TOM1L2: variants seen among roughly 807,000 people sequenced by gnomAD.
The protein encoded by TOM1L2 is TOM1-like protein 2.
In TOM1L2, 31 loss-of-function variants were observed where a neutral mutation model predicts 67.9. The observed-to-expected ratio is 0.46, with a 90% CI of 0.34 to 0.62. TOM1L2 has a LOEUF of 0.62. Ranked by LOEUF, TOM1L2 falls within the 20% of genes least tolerant of loss-of-function variation. The pLI is 0.01. For synonymous variants in TOM1L2, 256 were observed against 254.0 expected, an observed-to-expected ratio of 1.01 and a Z score of -0.07; for missense variants, 606 against 663.5, an observed-to-expected ratio of 0.91 and a Z score of 0.95.
At chr17:17,923,609 G>C (rs1178091877) in intron 1 of TOM1L2, among the ~76,000 whole-genome samples, 1 of 152,098 alleles carries the variant, frequency 6.6e-6, no homozygotes, top group Non-Finnish European at 1.5e-5. Flanking sequence ...AGGATCACTT[G>C]AGGCTAGGAG....
rs374192888 is a variant in TOM1L2, at chr17:17,891,784, C to CGTGTGTGTGT, written c.366+1867_366+1876dup. Among the ~76,000 whole-genome samples, 1,052 of 143,204 alleles carry CGTGTGTGTGT rather than the reference C, an allele frequency of 7.3e-3. 17 individuals carry two copies. Among genetic ancestry groups the CGTGTGTGTGT allele is most frequent in the African/African-American group, 0.023 (881 of 38,378 alleles). The allele number at this position is 143,204 out of a possible 152,430, so 93.9% of individuals were successfully genotyped here. A position where few individuals can be genotyped will look rare whatever the true frequency, so the allele number is the denominator to read the frequency against. The stretch of plus-strand genomic sequence containing the variant: ...ATGAGGAAGGTAAAGTGCATGCACA[C>CGTGTGTGTGT]GTGTGTGTGTGTGTGTGTGTGTGTG... On this transcript the variant is annotated intron_variant, in intron 4 of 14. Coordinates refer to ENST00000379504, the MANE Select transcript of TOM1L2 (RefSeq NM_001082968.2).
At chr17:17,872,723 G>A (rs968962691) in intron 7 of TOM1L2, among the ~76,000 whole-genome samples, 5 of 152,218 alleles carry the variant, frequency 3.3e-5, no homozygotes, top group Middle Eastern at 3.2e-3. Flanking sequence ...AGGTGTCTGC[G>A]GAAAATCTCT....
intron 1 of TOM1L2, among the ~76,000 whole-genome samples, chr17:17,919,265 T>C (rs913412024): frequency 6.6e-6 from 1 of 152,222 alleles, no homozygotes; most frequent in African/African-American, 2.4e-5. Flanking sequence ...AGAGGACCTT[T>C]CCTTGCTGTT....
At chr17:17,894,694 G>A (rs1046097462) in intron 3 of TOM1L2, among the ~76,000 whole-genome samples, 7 of 152,212 alleles carry the variant, frequency 4.6e-5, no homozygotes, top group Non-Finnish European at 7.3e-5. Flanking sequence ...ACTTTGGGAG[G>A]CCGAGGCAGG....
chr17:17,898,213 C>T (rs905500626), intron 3 of TOM1L2, among the ~76,000 whole-genome samples: 5 of 151,972 alleles, frequency 3.3e-5, no homozygotes, highest in African/African-American at 1.2e-4. Flanking sequence ...TGTGAGTCAC[C>T]GCGCCTGGCC....
chr17:17,880,933 C>T (rs1029321113), intron 6 of TOM1L2, among the ~76,000 whole-genome samples: 3 of 152,180 alleles, frequency 2.0e-5, no homozygotes, highest in African/African-American at 7.2e-5. Flanking sequence ...CTCTCCCCAC[C>T]CCATCCTGAG....
At chr17:17,912,705 G>T (rs911971880) in intron 1 of TOM1L2, among the ~76,000 whole-genome samples, 1 of 151,638 alleles carries the variant, frequency 6.6e-6, no homozygotes, top group Non-Finnish European at 1.5e-5. Flanking sequence ...TCCCAGACTG[G>T]GCAGCCAGGC....
chr17:17,900,414 C>G (rs1173310332), intron 2 of TOM1L2, among the ~76,000 whole-genome samples: 2 of 150,280 alleles, frequency 1.3e-5, no homozygotes, highest in Non-Finnish European at 2.9e-5. Context: ...CCCAGGTACT[C>G]TGGAGGCTGA....
chr17:17,944,733 C>T (rs2040872229), intron 1 of TOM1L2, among the ~76,000 whole-genome samples: 1 of 152,174 alleles, frequency 6.6e-6, no homozygotes, highest in Non-Finnish European at 1.5e-5. Flanking sequence ...ACAAACATGC[C>T]GACTAACAGG....
intron 1 of TOM1L2, among the ~76,000 whole-genome samples, chr17:17,942,812 GC>G (rs2040789768): frequency 6.6e-6 from 1 of 152,140 alleles, no homozygotes; most frequent in East Asian, 1.9e-4. Context: ...TCCAGGAAAG[GC>G]TTTTGCCAGC....
chr17:17,925,919 C>T (rs1397184486), intron 1 of TOM1L2, among the ~76,000 whole-genome samples: 1 of 151,372 alleles, frequency 6.6e-6, no homozygotes, highest in Non-Finnish European at 1.5e-5. Context: ...GCCCATAATC[C>T]CAGCACTTTG....
chr17:17,938,766 G>GTTT (rs372811565), intron 1 of TOM1L2, among the ~76,000 whole-genome samples: 11 of 145,002 alleles, frequency 7.6e-5, no homozygotes, highest in African/African-American at 1.0e-4. Context: ...GGTTGAAAGG[G>GTTT]TTTTTTTTTT....
chr17:17,925,591 C>T (rs1739276604), intron 1 of TOM1L2, among the ~76,000 whole-genome samples: 1 of 151,190 alleles, frequency 6.6e-6, no homozygotes, highest in Non-Finnish European at 1.5e-5. Context: ...CCTCTAATCC[C>T]AGCACTTTGC....
intron 3 of TOM1L2, among the ~76,000 whole-genome samples, chr17:17,897,630 G>T (rs2038637987): frequency 6.6e-6 from 1 of 152,106 alleles, no homozygotes; most frequent in Non-Finnish European, 1.5e-5. Flanking sequence ...AATCTGGTCT[G>T]TTCCTTCCTG....
At chr17:17,947,631 A>G (rs977507327) in intron 1 of TOM1L2, among the ~76,000 whole-genome samples, 2 of 152,170 alleles carry the variant, frequency 1.3e-5, no homozygotes, top group Non-Finnish European at 2.9e-5. Flanking sequence ...AGTTCGGTTA[A>G]GCCTTCCAGT....
chr17:17,943,382 A>C (rs1239227824), intron 1 of TOM1L2, among the ~76,000 whole-genome samples: 1 of 152,220 alleles, frequency 6.6e-6, no homozygotes, highest in East Asian at 1.9e-4. Flanking sequence ...AGATAGTGGC[A>C]GACCAGCCTG....
In TOM1L2 at chr17:17,846,212, C is replaced by G. The variant is rs1368281140; in HGVS notation, c.*1423G>C. 1 of 152,392 alleles carries G rather than the reference C, an allele frequency of 6.6e-6. No individual in the cohort carries two copies. The highest frequency in any genetic ancestry group is 1.5e-5 in the Non-Finnish European group (1 of 68,138). The allele number at this position is 152,392 out of a possible 1,614,324, so 9.4% of individuals were successfully genotyped here. ...CGTCCTGCCAGGTGGGAAGGGCTAA[C>G]TACACCATGGATCAGGAACCTGTGC... On this transcript the variant is annotated 3_prime_UTR_variant, in exon 15 of 15. Coordinates refer to ENST00000379504, the MANE Select transcript of TOM1L2 (RefSeq NM_001082968.2).
chr17:17,867,042 G>A, intron 8 of TOM1L2, 118 bp from the exon 9 acceptor site: 1 of 873,798 alleles, frequency 1.1e-6, no homozygotes. Flanking sequence ...TCCCACCTGG[G>A]GGCTAGGGAG....
rs111530230 is a variant in TOM1L2 at position 17,924,039 on chromosome 17, G to T, written c.53-16508C>A. On this transcript the variant is annotated intron_variant, in intron 1 of 14. Transcript: ENST00000379504. ...TGTAATCCCAGCTACTCGGGAGGCT[G>T]AGGCAGGAGAATTACTTGAACCCAG... 8.3e-3 allele frequency among the ~76,000 whole-genome samples: 1,262 copies of T among 151,936 alleles called. 19 individuals are homozygous for T. The highest frequency in any genetic ancestry group is 0.029 in the African/African-American group (1,217 of 41,422).
Sources: allele counts gnomAD v4.1 joint callset (sites outside exome capture counted in the v4.1 genomes callset), GRCh38; gene constraint gnomAD v4.1.1; transcripts MANE v1.5; gene names NCBI Gene and HGNC (gene_info 2026-07-23, HGNC 2026-07-21).